Variants in PPP1R15B observed in about 807,000 individuals in gnomAD.
PPP1R15B encodes protein phosphatase 1, regulatory (inhibitor) subunit 15B.
A neutral mutation model predicts 53.9 loss-of-function variants in PPP1R15B; 31 were observed. The observed-to-expected ratio is 0.58, with a 90% CI of 0.43 to 0.78. PPP1R15B has a LOEUF of 0.78. PPP1R15B is among the 30% of genes least tolerant of loss of function. The pLI is 0.00. For missense variants in PPP1R15B, 928 were observed against 849.6 expected, an observed-to-expected ratio of 1.09 and a Z score of -1.15; for synonymous variants, 345 against 329.1, an observed-to-expected ratio of 1.05 and a Z score of -0.52.
At chr1:204,409,470 T>G (rs775387468) in intron 1 of PPP1R15B, 22 bp downstream of exon 1, 1 of 1,590,424 alleles carries the variant, frequency 6.3e-7, no homozygotes, top group Admixed American at 1.8e-5. Flanking sequence ...ATATCAGGCA[T>G]GTTAAAAGAC....
chr1:204,403,976 T>C lies in PPP1R15B; in HGVS notation c.*2116A>G. 1 of 985,484 alleles carries C rather than the reference T, an allele frequency of 1.0e-6. No individual in the cohort carries two copies. Among genetic ancestry groups the C allele is most frequent in the Non-Finnish European group, 1.2e-6 (1 of 829,924 alleles). The allele number at this position is 985,484 out of a possible 1,614,324, so 61.0% of individuals were successfully genotyped here. A position where few individuals can be genotyped will look rare whatever the true frequency, so the allele number is the denominator to read the frequency against. On this transcript the variant is annotated 3_prime_UTR_variant, in exon 2 of 2. Transcript: ENST00000367188. ...CCAAAATCCAATGAAAGATGTCTCA[T>C]TATTTTCAAATACACAGAGGTGCTA...
In PPP1R15B at chr1:204,409,777, A is replaced by G. The variant is rs1160914542; in HGVS notation, c.1635T>C (p.Ser545=). ...TGAGACTCTCTGCTTCATCTGCACT[A>G]GATTCCCAGTCATCTTCCTCCCCAG... ...HSSGEEDDWE[S]SADEAESLKL... is the part of the protein sequence containing the mutation. The change falls in exon 1 of 2, where the codon TCT becomes TCC. Residue 545 remains serine, a synonymous_variant. Transcript: ENST00000367188. The G allele has an allele frequency of 5.6e-6, 9 of 1,614,078 alleles. No homozygotes were observed. Among genetic ancestry groups the G allele is most frequent in the Non-Finnish European group, 7.6e-6 (9 of 1,180,032 alleles).
At chr1:204,402,901 A>C (rs1232455037), downstream of PPP1R15B, among the ~76,000 whole-genome samples, 1 of 151,860 alleles carries the variant, frequency 6.6e-6, no homozygotes, top group Non-Finnish European at 1.5e-5. Context: ...ATGAAACCCC[A>C]TCTCTACTAA....
Position 204,403,741 on chromosome 1 carries a change from GA to G in PPP1R15B, c.*2350del. ...AAACCTCCAAAGATTTTCTCTTTAA[GA>G]TTACGGGGGTTTAACTTTGTTCTAA... On this transcript the variant is annotated 3_prime_UTR_variant, in exon 2 of 2. Coordinates refer to ENST00000367188, the MANE Select transcript of PPP1R15B (RefSeq NM_032833.5). 1.0e-6 allele frequency: 1 copy of G among 985,470 alleles called. No individual in the cohort carries two copies. The highest frequency in any genetic ancestry group is 4.7e-5 in the South Asian group (1 of 21,280). The allele number at this position is 985,470 out of a possible 1,614,324, so 61.0% of individuals were successfully genotyped here. A position where few individuals can be genotyped will look rare whatever the true frequency, so the allele number is the denominator to read the frequency against.
At chr1:204,402,549 A>C (rs538577560), downstream of PPP1R15B, among the ~76,000 whole-genome samples, 115 of 152,030 alleles carry the variant, frequency 7.6e-4, 5 homozygotes, top group Admixed American at 6.6e-4. Context: ...CTGGGTCTAT[A>C]GGCTAGGACC....
In PPP1R15B at chr1:204,410,776, G is replaced by A. The variant is rs368219752; in HGVS notation, c.636C>T (p.Arg212=). The change falls in exon 1 of 2, where the codon CGC becomes CGT. Residue 212 remains arginine (R), a synonymous_variant. Coordinates refer to ENST00000367188, the MANE Select transcript of PPP1R15B (RefSeq NM_032833.5). ...SSPSGPLNIQ[R]IDNFSVVSYL... is the part of the protein sequence containing the mutation. ...AGGATACCACACTGAAATTGTCTATGCGTTGAATGTTTAGAGGCCCAGAGG... is the reference window on the plus strand; with the variant it reads ...AGGATACCACACTGAAATTGTCTATACGTTGAATGTTTAGAGGCCCAGAGG... 33 of 1,614,108 alleles carry A rather than the reference G, an allele frequency of 2.0e-5. No homozygotes were observed. The highest frequency in any genetic ancestry group is 2.6e-5 in the Non-Finnish European group (31 of 1,180,054).
downstream of PPP1R15B, among the ~76,000 whole-genome samples, chr1:204,401,581 G>A (rs1208376715): frequency 6.6e-6 from 1 of 151,966 alleles, no homozygotes; most frequent in Non-Finnish European, 1.5e-5. Flanking sequence ...TAAACAACGT[G>A]CATTATGAGA....
rs1674250786 is a variant in PPP1R15B, at chr1:204,405,566, T to C, written c.*526A>G. 3.1e-6 allele frequency: 3 copies of C among 980,350 alleles called. No individual in the cohort carries two copies. Among genetic ancestry groups the C allele is most frequent in the Non-Finnish European group, 3.6e-6 (3 of 825,566 alleles). The allele number at this position is 980,350 out of a possible 1,614,324, so 60.7% of individuals were successfully genotyped here. Reference sequence around the variant, plus strand: ...CACAAAATAATGCACTTTAAGTTGGTAGCATACACAAGGTTATTTTTTAGC... The same window carrying C: ...CACAAAATAATGCACTTTAAGTTGGCAGCATACACAAGGTTATTTTTTAGC... On this transcript the variant is annotated 3_prime_UTR_variant, in exon 2 of 2. Transcript: ENST00000367188.
chr1:204,405,854 A>G lies in PPP1R15B; in HGVS notation c.*238T>C. 4 of 1,265,562 alleles carry G rather than the reference A, an allele frequency of 3.2e-6. No homozygotes were observed. The highest frequency in any genetic ancestry group is 4.0e-6 in the Non-Finnish European group (4 of 1,000,810). 78.4% of individuals were successfully genotyped at this position (1,265,562 alleles called of 1,614,324 possible). A position where few individuals can be genotyped will look rare whatever the true frequency, so the allele number is the denominator to read the frequency against. On this transcript the variant is annotated 3_prime_UTR_variant, in exon 2 of 2. Coordinates refer to ENST00000367188, the MANE Select transcript of PPP1R15B (RefSeq NM_032833.5). ...GCAAAGGACATTTAAAAGCACATCC[A>G]ACTAAATCAAAAAAGGGAGGATTAG...
chr1:204,404,197 T>C lies in PPP1R15B; in HGVS notation c.*1895A>G. 1 of 985,378 alleles carries C rather than the reference T, an allele frequency of 1.0e-6. No homozygotes were observed. Among genetic ancestry groups the C allele is most frequent in the African/African-American group, 1.7e-5 (1 of 57,334 alleles). The allele number at this position is 985,378 out of a possible 1,614,324, so 61.0% of individuals were successfully genotyped here. A position where few individuals can be genotyped will look rare whatever the true frequency, so the allele number is the denominator to read the frequency against. The stretch of plus-strand genomic sequence containing the variant: ...ATCCTGTAAATGTGCTCCCTATGAT[T>C]ACCTAAAGTGGAGGTGCACAAAACA... On this transcript the variant is annotated 3_prime_UTR_variant, in exon 2 of 2. Coordinates refer to ENST00000367188, the MANE Select transcript of PPP1R15B (RefSeq NM_032833.5).
At position 204,411,504 on chromosome 1, in the gene PPP1R15B, T is replaced by A. The variant is rs1674379067; in HGVS notation, c.-93A>T. On this transcript the variant is annotated 5_prime_UTR_variant, in exon 1 of 2. The change creates a premature stop within an existing upstream ORF in the 5' untranslated region. Transcript: ENST00000367188. Reference sequence around the variant, plus strand: ...GAGGAAGCCTACAGAGTCTCGGCCTTGCCCAGCGGTGGCGTCGCTGCTCCA... The same window carrying A: ...GAGGAAGCCTACAGAGTCTCGGCCTAGCCCAGCGGTGGCGTCGCTGCTCCA... 2 of 1,485,880 alleles carry A rather than the reference T, an allele frequency of 1.3e-6. No individual in the cohort carries two copies. The highest frequency in any genetic ancestry group is 2.1e-5 in the Admixed American group (1 of 46,588). The allele number at this position is 1,485,880 out of a possible 1,614,324, so 92.0% of individuals were successfully genotyped here.
Position 204,409,606 on chromosome 1 carries a change from GTGA to G in PPP1R15B, c.1803_1805del (p.His602del). 1 of 1,614,166 alleles carries G rather than the reference GTGA, an allele frequency of 6.2e-7. No homozygotes were observed. Among genetic ancestry groups the G allele is most frequent in the African/African-American group, 1.3e-5 (1 of 75,028 alleles). On this transcript the variant is annotated inframe_deletion, in exon 1 of 2. Coordinates refer to ENST00000367188, the MANE Select transcript of PPP1R15B (RefSeq NM_032833.5). ...GCTGCACCTTACAAGAAAGTAAGGT[GTGA>G]CACTCAGAAATGGCCACAATGGACT...
In PPP1R15B at chr1:204,410,799, A is replaced by C. The variant is rs1674357159; in HGVS notation, c.613T>G (p.Ser205Ala). ...ATGCGTTGAATGTTTAGAGGCCCAG[A>C]GGGCGAAGAGCCAAGTTCCCGGTTA... is the stretch of plus-strand genomic sequence containing the variant. ...YSNRELGSSPSGPLNIQRIDN... is the reference protein window; with the variant it reads ...YSNRELGSSPAGPLNIQRIDN... The change falls in exon 1 of 2, where the codon TCT becomes GCT. Residue 205 changes from serine (S) to alanine (A), a missense_variant. By Grantham distance (99) the Ser-to-Ala change is moderately conservative. Transcript: ENST00000367188. 3 of 1,614,100 alleles carry C rather than the reference A, an allele frequency of 1.9e-6. No individual in the cohort carries two copies. The highest frequency in any genetic ancestry group is 2.7e-5 in the African/African-American group (2 of 74,930).
chr1:204,409,595 G>A lies in PPP1R15B; in HGVS notation c.1817C>T (p.Ser606Phe). 1 of 1,614,156 alleles carries A rather than the reference G, an allele frequency of 6.2e-7. No individual in the cohort carries two copies. Among genetic ancestry groups the A allele is most frequent in the Non-Finnish European group, 8.5e-7 (1 of 1,180,022 alleles). ...VAISECHTLLSCKVQLLGSQE... is the reference protein window; with the variant it reads ...VAISECHTLLFCKVQLLGSQE... The stretch of plus-strand genomic sequence containing the variant: ...GCTCCCCAACAGCTGCACCTTACAA[G>A]AAAGTAAGGTGTGACACTCAGAAAT... The change falls in exon 1 of 2, where the codon TCT (serine) becomes TTT (phenylalanine). Residue 606 changes from serine (S) to phenylalanine (F), a missense_variant. Ser to Phe is a radical substitution (Grantham distance 155). Transcript: ENST00000367188.
Position 204,408,580 on chromosome 1 carries a change from G to A in PPP1R15B, c.1920+912C>T, listed in dbSNP as rs962185380. Among the ~76,000 whole-genome samples, 4 of 152,230 alleles carry A rather than the reference G, an allele frequency of 2.6e-5. No homozygotes were observed. The East Asian group carries it at 7.7e-4, about 29-fold the overall frequency. ...CACTAACTTCTCTCTCCAAGTAACG[G>A]TATAGAAAACTAAAAAAACGTTCCC... On this transcript the variant is annotated intron_variant, in intron 1 of 1. Coordinates refer to ENST00000367188, the MANE Select transcript of PPP1R15B (RefSeq NM_032833.5).
intron 1 of PPP1R15B, 57 bp from the exon 2 acceptor site, chr1:204,406,370 G>C (rs1404669130): frequency 1.3e-6 from 2 of 1,585,152 alleles, no homozygotes; most frequent in Middle Eastern, 1.7e-4. Context: ...TCAGCATTGA[G>C]GTCAATAACC....
intron 1 of PPP1R15B, among the ~76,000 whole-genome samples, chr1:204,408,194 G>C (rs1350774516): frequency 6.6e-6 from 1 of 152,214 alleles, no homozygotes; most frequent in Non-Finnish European, 1.5e-5. Context: ...AGGTCTGGCT[G>C]CCTTCCAAAT....
chr1:204,400,410 A>G (rs1296241990), downstream of PPP1R15B, among the ~76,000 whole-genome samples: 1 of 151,796 alleles, frequency 6.6e-6, no homozygotes, highest in African/African-American at 2.4e-5. Flanking sequence ...CAGTGATTCA[A>G]TCACAGCTCC....
Position 204,411,414 on chromosome 1 carries a change from CCT to C in PPP1R15B, c.-5_-4del. The C allele has an allele frequency of 6.2e-7, 1 of 1,610,324 alleles. No homozygotes were observed. Among genetic ancestry groups the C allele is most frequent in the South Asian group, 1.1e-5 (1 of 90,954 alleles). ...GATCCGCCTGTCCCCGGCTCCATCT[CCT>C]TTTTCTTGACAGTCTCTCAGGTAGG... On this transcript the variant is annotated 5_prime_UTR_variant, in exon 1 of 2. Coordinates refer to ENST00000367188, the MANE Select transcript of PPP1R15B (RefSeq NM_032833.5).
Sources: gnomAD v4.1 joint callset for allele counts (sites outside exome capture counted in the v4.1 genomes callset) on GRCh38, gnomAD v4.1.1 for gene constraint, MANE v1.5 for transcripts, NCBI Gene and HGNC (gene_info 2026-07-23, HGNC 2026-07-21) for gene names.